Variants in TUSC3 observed in about 807,000 individuals in gnomAD.
TUSC3 encodes dolichyl-diphosphooligosaccharide--protein glycosyltransferase subunit TUSC3.
Under a neutral mutation model 44.8 loss-of-function variants are expected in TUSC3, and 45 were observed. The observed-to-expected ratio is 1.00, with a 90% confidence interval of 0.79 to 1.29. The LOEUF (loss-of-function observed/expected upper bound fraction) is 1.29. Ranked by LOEUF, TUSC3 falls within the 50% of genes most tolerant of loss-of-function variation. The pLI is 0.00. For synonymous variants in TUSC3, 212 were observed against 152.9 expected (o/e 1.39, Z -2.85); for missense variants, 519 against 437.9 (o/e 1.19, Z -1.65).
chr8:15,734,342 T>G (rs935600032), intron 7 of TUSC3, among the ~76,000 whole-genome samples: 3 of 152,198 alleles, frequency 2.0e-5, no homozygotes, highest in African/African-American at 7.2e-5. Flanking sequence ...GTTATAGATT[T>G]ATATTTACTA....
the TUSC3 span, among the ~76,000 whole-genome samples, chr8:15,813,568 C>T: frequency 6.6e-6 from 1 of 152,058 alleles, no homozygotes; most frequent in Non-Finnish European, 1.5e-5. Context: ...TTTTAAGGCA[C>T]ATTTTATTCT....
At chr8:15,444,160 G>C (rs1800060057) in intron 1 of TUSC3, among the ~76,000 whole-genome samples, 1 of 152,134 alleles carries the variant, frequency 6.6e-6, no homozygotes, top group Non-Finnish European at 1.5e-5. Context: ...CAAACATAAA[G>C]TACTCCAGCT....
At chr8:15,631,668 T>TTGTGTGTG (rs147004169) in intron 2 of TUSC3, among the ~76,000 whole-genome samples, 17 of 145,210 alleles carry the variant, frequency 1.2e-4, no homozygotes, top group East Asian at 4.1e-4. Flanking sequence ...TTTAAGGCTG[T>TTGTGTGTG]TGTGTGTGTG....
chr8:15,772,830 C>A, the TUSC3 span, among the ~76,000 whole-genome samples: 1 of 152,042 alleles, frequency 6.6e-6, no homozygotes, highest in African/African-American at 2.4e-5. Flanking sequence ...TCCAGAAATG[C>A]GAAGGTGGTT....
At chr8:15,613,974 G>A (rs1327894806) in intron 1 of TUSC3, among the ~76,000 whole-genome samples, 1 of 149,992 alleles carries the variant, frequency 6.7e-6, no homozygotes, top group Non-Finnish European at 1.5e-5. Context: ...TCTCCCATGT[G>A]TACAGGAAGT....
intron 2 of TUSC3, among the ~76,000 whole-genome samples, chr8:15,511,267 A>T (rs1386906971): frequency 2.6e-5 from 4 of 151,870 alleles, no homozygotes; most frequent in Admixed American, 1.3e-4. Context: ...GAAGAAAGGA[A>T]GGAGGAAGGA....
chr8:15,742,235 G>GGTTGATGTTGTGCAGGGGTGGCAGC, intron 7 of TUSC3, among the ~76,000 whole-genome samples: 1 of 152,110 alleles, frequency 6.6e-6, no homozygotes, highest in East Asian at 1.9e-4. Flanking sequence ...ATGGTGGGAG[G>GGTTGATGTTGTGCAGGGGTGGCAGC]GGCTTTTCTC....
Position 15,623,316 on chromosome 8 carries a change from A to G in TUSC3, c.308+67A>G, listed in dbSNP as rs541180742. On this transcript the variant is annotated intron_variant, in intron 2 of 10. Transcript: ENST00000503731. ...GGTTTACATATATATTTTTATGTTC[A>G]TTTTAAGATAAATATATGTAAGATA... 8 of 1,406,536 alleles carry G rather than the reference A, an allele frequency of 5.7e-6. No homozygotes were observed. In the East Asian group the frequency reaches 1.3e-4, roughly 22 times the overall value. The allele number at this position is 1,406,536 out of a possible 1,614,324, so 87.1% of individuals were successfully genotyped here.
chr8:15,496,562 G>A (rs924712571), intron 2 of TUSC3, among the ~76,000 whole-genome samples: 1 of 152,128 alleles, frequency 6.6e-6, no homozygotes, highest in Non-Finnish European at 1.5e-5. Context: ...GGGAGAGAGT[G>A]ATTTTTCTCC....
the TUSC3 span, among the ~76,000 whole-genome samples, chr8:15,836,120 A>C: frequency 6.6e-6 from 1 of 150,398 alleles, no homozygotes; most frequent in Admixed American, 6.7e-5. Context: ...TTCTCATACT[A>C]TTGTTTAATT....
intron 1 of TUSC3, among the ~76,000 whole-genome samples, chr8:15,453,253 A>G (rs1333541430): frequency 2.4e-5 from 1 of 41,720 alleles, no homozygotes; most frequent in African/African-American, 4.5e-5. Flanking sequence ...ACTTGCCATA[A>G]TTATTTTCAA....
chr8:15,454,684 G>A (rs139051851), intron 1 of TUSC3, among the ~76,000 whole-genome samples: 3 of 152,228 alleles, frequency 2.0e-5, no homozygotes, highest in East Asian at 3.9e-4. Context: ...CCCTTACTAT[G>A]TAGGTATTAT....
intron 1 of TUSC3, among the ~76,000 whole-genome samples, chr8:15,568,937 A>G (rs1253551133): frequency 6.6e-6 from 1 of 151,918 alleles, no homozygotes; most frequent in South Asian, 2.1e-4. Context: ...GGCAAGGCAC[A>G]TTGGTTGACT....
At chr8:15,675,538 G>A (rs890185202) in intron 6 of TUSC3, among the ~76,000 whole-genome samples, 1 of 151,858 alleles carries the variant, frequency 6.6e-6, no homozygotes, top group Non-Finnish European at 1.5e-5. Context: ...ATTGGGGTAT[G>A]AATGATCTTG....
At chr8:15,611,706 A>G (rs1804768345) in intron 1 of TUSC3, among the ~76,000 whole-genome samples, 1 of 152,090 alleles carries the variant, frequency 6.6e-6, no homozygotes, top group African/African-American at 2.4e-5. Flanking sequence ...GAGTGCCTTT[A>G]AAGGTAGTGG....
intron 1 of TUSC3, among the ~76,000 whole-genome samples, chr8:15,453,040 A>G (rs1379435119): frequency 1.3e-5 from 2 of 152,148 alleles, no homozygotes; most frequent in African/African-American, 2.4e-5. Flanking sequence ...CTGCATAACT[A>G]GAAACAGTAT....
intron 1 of TUSC3, among the ~76,000 whole-genome samples, chr8:15,464,282 A>G (rs1384031299): frequency 6.6e-6 from 1 of 152,166 alleles, no homozygotes; most frequent in Non-Finnish European, 1.5e-5. Flanking sequence ...TACTCCAAGA[A>G]TGAAACAAGG....
chr8:15,805,570 A>C, the TUSC3 span, among the ~76,000 whole-genome samples: 147 of 152,182 alleles, frequency 9.7e-4, no homozygotes, highest in African/African-American at 3.3e-3. Context: ...AGCCTTTTCT[A>C]TGCCTATTGA....
intron 5 of TUSC3, 150 bp from the exon 6 acceptor site, chr8:15,673,597 G>A (rs1328374852): frequency 2.9e-6 from 2 of 678,540 alleles, no homozygotes; most frequent in Non-Finnish European, 5.3e-6. Context: ...CTTACTCAAA[G>A]TCCCATAGTT....
Sources: allele counts gnomAD v4.1 joint callset (sites outside exome capture counted in the v4.1 genomes callset), GRCh38; gene constraint gnomAD v4.1.1; transcripts MANE v1.5; gene names NCBI Gene and HGNC (gene_info 2026-07-23, HGNC 2026-07-21).